NRG1: variants seen among roughly 807,000 people sequenced by gnomAD.
NRG1 encodes neuregulin 1.
Under a neutral mutation model 63.8 loss-of-function variants are expected in NRG1, and 18 were observed. The ratio of observed to expected loss-of-function variants is 0.28; its 90% CI spans 0.19 to 0.42. The LOEUF (loss-of-function observed/expected upper bound fraction) is 0.42. NRG1 is among the 10% of genes least tolerant of loss of function. The pLI, the probability that NRG1 is intolerant of heterozygous loss-of-function variation, is 1.00. For missense variants in NRG1, 762 were observed against 814.7 expected (o/e 0.94, Z 0.79); for synonymous variants, 302 against 301.3 (o/e 1.00, Z -0.02).
At chr8:32,333,414 G>A (rs148853854) in intron 1 of NRG1, among the ~76,000 whole-genome samples, 7 of 152,250 alleles carry the variant, frequency 4.6e-5, no homozygotes, top group Middle Eastern at 3.4e-3. Context: ...GAATGCAGGG[G>A]CTGTCTTTAA....
intron 1 of NRG1, among the ~76,000 whole-genome samples, chr8:31,982,507 AC>A (rs754960729): frequency 6.2e-4 from 95 of 152,178 alleles, no homozygotes; most frequent in Non-Finnish European, 9.6e-4. Flanking sequence ...TGACTATAGA[AC>A]AGGAAGTGCT....
intron 1 of NRG1, among the ~76,000 whole-genome samples, chr8:32,061,082 T>C (rs1215048840): frequency 2.0e-5 from 3 of 151,986 alleles, no homozygotes; most frequent in Non-Finnish European, 2.9e-5. Context: ...AAATAATTCA[T>C]TTATATATAA....
chr8:31,881,623 G>A (rs1830353418), intron 1 of NRG1, among the ~76,000 whole-genome samples: 1 of 152,296 alleles, frequency 6.6e-6, no homozygotes, highest in South Asian at 2.1e-4. Context: ...CAATAGCTAG[G>A]CCTCTTGTTC....
rs561341810 is a variant in NRG1, at chr8:32,653,258, C to T, written c.502+36373C>T. Among the ~76,000 whole-genome samples the T allele has an allele frequency of 3.3e-5, 5 of 152,212 alleles. No homozygotes were observed. The South Asian group carries it at 1.0e-3, about 32-fold the overall frequency. ...CAGTAGAGTGCCTGCCCTCAGGGAGCTTATGTTCTAGTGGATTTTAAGAAT... is the reference window on the plus strand; with the variant it reads ...CAGTAGAGTGCCTGCCCTCAGGGAGTTTATGTTCTAGTGGATTTTAAGAAT... On this transcript the variant is annotated intron_variant, in intron 5 of 11. Coordinates refer to ENST00000356819, the Ensembl canonical transcript of NRG1.
chr8:31,982,860 C>T (rs920801513), intron 1 of NRG1, among the ~76,000 whole-genome samples: 1 of 152,064 alleles, frequency 6.6e-6, no homozygotes. Context: ...CTGTTAATAA[C>T]AACATGCTTA....
chr8:31,908,492 A>G (rs1387067024), intron 1 of NRG1, among the ~76,000 whole-genome samples: 8 of 152,214 alleles, frequency 5.3e-5, no homozygotes. Context: ...CCTTGTCACC[A>G]GAAGCTGACA....
intron 1 of NRG1, among the ~76,000 whole-genome samples, chr8:31,996,299 A>G (rs16878644): frequency 0.1 from 15,702 of 151,948 alleles, 984 homozygotes; most frequent in African/African-American, 0.15. Context: ...GTCCAGTTGA[A>G]GTCTGGAAGC....
chr8:31,868,054 T>TATTTCATTTCTAGAATGTC (rs1829118548), intron 1 of NRG1, among the ~76,000 whole-genome samples: 1 of 151,958 alleles, frequency 6.6e-6, no homozygotes, highest in Non-Finnish European at 1.5e-5. Context: ...CTAGGAATGT[T>TATTTCATTTCTAGAATGTC]ATTTCATTTC....
At chr8:32,450,289 A>C (rs968861725) in intron 1 of NRG1, among the ~76,000 whole-genome samples, 1 of 152,178 alleles carries the variant, frequency 6.6e-6, no homozygotes, top group Non-Finnish European at 1.5e-5. Flanking sequence ...CTATAGTTCC[A>C]GCTACTTGGG....
intron 1 of NRG1, chr8:32,220,982 A>T (rs1340282483): frequency 6.6e-6 from 1 of 152,220 alleles, no homozygotes; most frequent in African/African-American, 2.4e-5. Context: ...TGAAAACGTG[A>T]TTTTAAAAAA....
intron 1 of NRG1, among the ~76,000 whole-genome samples, chr8:32,320,658 C>T (rs946458063): frequency 6.6e-6 from 1 of 152,164 alleles, no homozygotes; most frequent in African/African-American, 2.4e-5. Context: ...ATGGTTCAAT[C>T]ACCTCCCACA....
chr8:31,766,802 T>C (rs1415301887), intron 1 of NRG1, among the ~76,000 whole-genome samples: 1 of 152,202 alleles, frequency 6.6e-6, no homozygotes, highest in African/African-American at 2.4e-5. Flanking sequence ...TTTATGTTTA[T>C]TTTAAAAAAG....
chr8:31,704,919 G>A (rs1411883172), intron 1 of NRG1, among the ~76,000 whole-genome samples: 1 of 151,278 alleles, frequency 6.6e-6, no homozygotes, highest in Non-Finnish European at 1.5e-5. Context: ...ACCAAAAGTA[G>A]ATACATACAT....
chr8:31,893,401 G>C (rs1585556642), intron 1 of NRG1, among the ~76,000 whole-genome samples: 1 of 151,356 alleles, frequency 6.6e-6, no homozygotes, highest in Non-Finnish European at 1.5e-5. Flanking sequence ...AAGGAAATCA[G>C]TTAAAGCATT....
At chr8:32,127,529 G>A (rs971749825) in intron 1 of NRG1, among the ~76,000 whole-genome samples, 1 of 24,110 alleles carries the variant, frequency 4.1e-5, no homozygotes, top group Non-Finnish European at 9.4e-5. Flanking sequence ...GTATCTGCAC[G>A]TGTGTGTGTG....
chr8:32,176,835 C>T (rs1290979397), intron 1 of NRG1, among the ~76,000 whole-genome samples: 1 of 152,066 alleles, frequency 6.6e-6, no homozygotes, highest in Non-Finnish European at 1.5e-5. Flanking sequence ...ACAACAGGTG[C>T]TGGAGAGGAT....
At chr8:32,026,791 G>T (rs2130361694) in intron 1 of NRG1, among the ~76,000 whole-genome samples, 1 of 152,094 alleles carries the variant, frequency 6.6e-6, no homozygotes, top group African/African-American at 2.4e-5. Context: ...TTAGATCTTA[G>T]AATAAATATT....
intron 1 of NRG1, among the ~76,000 whole-genome samples, chr8:31,668,759 C>G (rs1205629743): frequency 6.6e-6 from 1 of 152,108 alleles, no homozygotes. Flanking sequence ...GATACAGTTC[C>G]TGGCATAATG....
At chr8:32,614,548 A>G (rs1419660852) in exon 4 of NRG1, 4 of 1,612,448 alleles carry the variant, frequency 2.5e-6, no homozygotes, top group Middle Eastern at 1.7e-4. Context: ...CAACTGAAGG[A>G]GCATATGTGT....
Sources: gnomAD v4.1 joint callset for allele counts (sites outside exome capture counted in the v4.1 genomes callset) on GRCh38, gnomAD v4.1.1 for gene constraint, MANE v1.5 for transcripts, NCBI Gene and HGNC (gene_info 2026-07-23, HGNC 2026-07-21) for gene names.